The following KSR1 variants were observed in gnomAD, a reference collection of about 807,000 sequenced individuals.
The protein encoded by KSR1 is kinase suppressor of ras.
In KSR1, 35 loss-of-function variants were observed where a neutral mutation model predicts 92.9. That is an observed-to-expected ratio of 0.38 (90% CI 0.29 to 0.50). The LOEUF (loss-of-function observed/expected upper bound fraction) is 0.50. Among genes scored for constraint, KSR1 ranks in the 20% least tolerant of loss-of-function variants. The pLI, the probability that KSR1 is intolerant of heterozygous loss-of-function variation, is 0.94. For synonymous variants in KSR1, 467 were observed against 472.6 expected (o/e 0.99, Z 0.15); for missense variants, 972 against 1,158.5 (o/e 0.84, Z 2.34).
chr17:27,568,398 C>G (rs1488206162), intron 2 of KSR1, among the ~76,000 whole-genome samples: 2 of 152,248 alleles, frequency 1.3e-5, no homozygotes, highest in Non-Finnish European at 2.9e-5. Context: ...CACAAGGGAC[C>G]CACCAGACTC....
intron 2 of KSR1, among the ~76,000 whole-genome samples, chr17:27,558,813 A>G (rs975376806): frequency 6.6e-6 from 1 of 152,096 alleles, no homozygotes; most frequent in African/African-American, 2.4e-5. Flanking sequence ...CAGTGCCTGA[A>G]GATGATCTGC....
At chr17:27,533,536 A>G (rs185191153) in intron 1 of KSR1, among the ~76,000 whole-genome samples, 3 of 152,154 alleles carry the variant, frequency 2.0e-5, no homozygotes, top group African/African-American at 7.2e-5. Flanking sequence ...GATGCACACC[A>G]CCATGCCCAG....
intron 1 of KSR1, among the ~76,000 whole-genome samples, chr17:27,523,734 CCA>C (rs1370285367): frequency 2.0e-5 from 3 of 152,246 alleles, no homozygotes; most frequent in Admixed American, 1.3e-4. Context: ...CACCCTTCTG[CCA>C]TTCCTTATCC....
chr17:27,589,813 T>TA (rs1598096201), intron 6 of KSR1, among the ~76,000 whole-genome samples: 2 of 152,218 alleles, frequency 1.3e-5, no homozygotes, highest in African/African-American at 2.4e-5. Context: ...AATACACTGA[T>TA]ACGTTGAAAC....
chr17:27,564,736 A>ACCCCC (rs34194473), intron 2 of KSR1, among the ~76,000 whole-genome samples: 56 of 101,434 alleles, frequency 5.5e-4, no homozygotes, highest in Admixed American at 1.5e-3. Context: ...AAGATGGAAG[A>ACCCCC]CCCCCCCCCC....
In KSR1 at chr17:27,571,174, G is replaced by C. The variant is rs1043188404; in HGVS notation, c.373-6318G>C. On this transcript the variant is annotated intron_variant, in intron 2 of 20. Coordinates refer to ENST00000644974, the MANE Select transcript of KSR1 (RefSeq NM_001394583.1). The stretch of plus-strand genomic sequence containing the variant: ...TTTGTTTGCCTTGCTTCCCAGGGGT[G>C]GGGTAGTGAGGAGGCTGGGCCCGGA... Among the ~76,000 whole-genome samples the C allele has an allele frequency of 9.2e-5, 14 of 152,274 alleles. 1 individual carries two copies. In the East Asian group the frequency reaches 2.7e-3, roughly 29 times the overall value.
At chr17:27,587,594 GA>G (rs1464314445) in intron 5 of KSR1, 2 of 152,248 alleles carry the variant, frequency 1.3e-5, no homozygotes, top group East Asian at 3.9e-4. Context: ...ACATTCTACT[GA>G]ACCAGTCCAG....
At chr17:27,561,270 T>C (rs2151114345) in intron 2 of KSR1, among the ~76,000 whole-genome samples, 1 of 152,352 alleles carries the variant, frequency 6.6e-6, no homozygotes, top group South Asian at 2.1e-4. Flanking sequence ...GGCTACTGTA[T>C]GATATGTAGT....
chr17:27,550,186 T>C (rs1292584435), intron 1 of KSR1, among the ~76,000 whole-genome samples: 1 of 152,234 alleles, frequency 6.6e-6, no homozygotes, highest in Admixed American at 6.5e-5. Context: ...ACTACAGGCA[T>C]GCGCCACCAT....
intron 1 of KSR1, among the ~76,000 whole-genome samples, chr17:27,545,112 A>G (rs1184085340): frequency 6.6e-6 from 1 of 152,174 alleles, no homozygotes; most frequent in East Asian, 1.9e-4. Flanking sequence ...AGCCAGGTTT[A>G]TGGGTTATCT....
At chr17:27,619,651 C>G (rs1169887031) in intron 19 of KSR1, among the ~76,000 whole-genome samples, 1 of 152,010 alleles carries the variant, frequency 6.6e-6, no homozygotes, top group African/African-American at 2.4e-5. Flanking sequence ...CCCACCTCAG[C>G]CTCCCAAAGT....
intron 4 of KSR1, among the ~76,000 whole-genome samples, chr17:27,583,373 A>G (rs1342952608): frequency 6.6e-6 from 1 of 152,252 alleles, no homozygotes; most frequent in African/African-American, 2.4e-5. Context: ...AATAACAGAT[A>G]TGCCCAAATC....
chr17:27,533,304 G>A (rs908846206), intron 1 of KSR1, among the ~76,000 whole-genome samples: 1 of 151,828 alleles, frequency 6.6e-6, no homozygotes, highest in Non-Finnish European at 1.5e-5. Context: ...TGGTATCCAT[G>A]GGGGAGTGGT....
chr17:27,601,958 A>T, intron 11 of KSR1: 1 of 1,599,646 alleles, frequency 6.3e-7, no homozygotes. Flanking sequence ...AAACGCTTTC[A>T]GTAAGTCAAT....
At position 27,597,300 on chromosome 17, in the gene KSR1, C is replaced by T. The variant is rs2073377796; in HGVS notation, c.1332C>T (p.Ser444=). The T allele has an allele frequency of 6.2e-7, 1 of 1,603,732 alleles. No individual in the cohort carries two copies. The highest frequency in any genetic ancestry group is 8.5e-7 in the Non-Finnish European group (1 of 1,175,314). The part of the protein sequence containing the change: ...EHPPAMNHLD[S]SSNPSSTTSS... ...CTCCGGCCATGAATCACCTGGACTCCAGCAGCAACCCTTCCTCCACCACCT... is the reference window on the plus strand; with the variant it reads ...CTCCGGCCATGAATCACCTGGACTCTAGCAGCAACCCTTCCTCCACCACCT... Residue 444 remains serine (S), a synonymous_variant, in exon 10 of 21, where the codon TCC becomes TCT. Transcript: ENST00000644974.
At chr17:27,524,001 A>G (rs1427693832) in intron 1 of KSR1, among the ~76,000 whole-genome samples, 1 of 152,160 alleles carries the variant, frequency 6.6e-6, no homozygotes, top group East Asian at 1.9e-4. Context: ...GGCCACCACT[A>G]GATGATGAAA....
chr17:27,562,226 T>C (rs1232041440), intron 2 of KSR1, among the ~76,000 whole-genome samples: 1 of 152,216 alleles, frequency 6.6e-6, no homozygotes, highest in African/African-American at 2.4e-5. Flanking sequence ...AAGCACCATG[T>C]TGGCAGGGAC....
chr17:27,601,818 A>G (rs1159809686), intron 11 of KSR1: 1 of 1,037,630 alleles, frequency 9.6e-7, no homozygotes, highest in Non-Finnish European at 1.4e-6. Context: ...AATGTCTTAG[A>G]GAAGTAGAAA....
At chr17:27,614,244 A>C (rs542682696) in intron 18 of KSR1, among the ~76,000 whole-genome samples, 14 of 152,328 alleles carry the variant, frequency 9.2e-5, no homozygotes, top group Middle Eastern at 6.8e-3. Context: ...GTCTGCCCTT[A>C]TGTCCTGTGG....
Sources: allele counts gnomAD v4.1 joint callset (sites outside exome capture counted in the v4.1 genomes callset), GRCh38; gene constraint gnomAD v4.1.1; transcripts MANE v1.5; gene names NCBI Gene and HGNC (gene_info 2026-07-23, HGNC 2026-07-21).